The following CSNK2A2 variants were observed in gnomAD, a reference collection of about 807,000 sequenced individuals.
The protein encoded by CSNK2A2 is casein kinase 2 alpha 2.
CSNK2A2 carries 8 observed loss-of-function variants against 54.0 expected under a neutral mutation model. The observed-to-expected ratio is 0.15, with a 90% confidence interval of 0.09 to 0.27. The LOEUF is 0.27. Ranked by LOEUF, CSNK2A2 falls within the 10% of genes least tolerant of loss-of-function variation. The probability of loss-of-function intolerance (pLI) is 1.00; values close to 1 mark genes in which losing one functional copy is unlikely to be tolerated. For missense variants in CSNK2A2, 242 were observed against 439.4 expected, an observed-to-expected ratio of 0.55 and a Z score of 4.02; for synonymous variants, 141 against 153.9, an observed-to-expected ratio of 0.92 and a Z score of 0.62.
chr16:58,175,641 T>C (rs113261483), intron 4 of CSNK2A2, among the ~76,000 whole-genome samples: 38 of 152,228 alleles, frequency 2.5e-4, no homozygotes, highest in African/African-American at 8.7e-4. Context: ...TTTCACTGTC[T>C]ACCATTTTAT....
intron 3 of CSNK2A2, among the ~76,000 whole-genome samples, chr16:58,185,124 G>C (rs1962155921): frequency 6.6e-6 from 1 of 152,048 alleles, no homozygotes; most frequent in Admixed American, 6.6e-5. Flanking sequence ...TTTCAAAATT[G>C]GGAGAAAGTA....
At chr16:58,185,780 A>G (rs112055154) in intron 3 of CSNK2A2, among the ~76,000 whole-genome samples, 40 of 152,280 alleles carry the variant, frequency 2.6e-4, no homozygotes, top group African/African-American at 9.1e-4. Flanking sequence ...CTTCAACAAT[A>G]CTGTGTAATC....
intron 10 of CSNK2A2, among the ~76,000 whole-genome samples, chr16:58,164,394 G>A (rs1434503229): frequency 6.6e-6 from 1 of 152,108 alleles, no homozygotes. Context: ...AATGCTAAGA[G>A]GCATAGAAAC....
chr16:58,166,149 T>C (rs74571794), intron 9 of CSNK2A2, among the ~76,000 whole-genome samples: 4,741 of 152,310 alleles, frequency 0.031, 131 homozygotes, highest in Non-Finnish European at 0.055. Context: ...GAAAACTCAA[T>C]GTGCTTTAAA....
At position 58,176,633 on chromosome 16, in the gene CSNK2A2, A is replaced by C. The variant is rs535521233; in HGVS notation, c.370-2123T>G. ...CCCCCAGGAGTCCACAGCTCTGACA[A>C]AACAAGCCCGTGTTTGCTGCCTCCA... On this transcript the variant is annotated intron_variant, in intron 4 of 11. Coordinates refer to ENST00000262506, the MANE Select transcript of CSNK2A2 (RefSeq NM_001896.4). 1.1e-4 allele frequency among the ~76,000 whole-genome samples: 16 copies of C among 152,214 alleles called. No homozygotes were observed. In the South Asian group the frequency reaches 3.3e-3, roughly 32 times the overall value.
chr16:58,190,651 T>C (rs916621303), intron 2 of CSNK2A2, among the ~76,000 whole-genome samples: 1 of 152,180 alleles, frequency 6.6e-6, no homozygotes, highest in African/African-American at 2.4e-5. Context: ...TAAAAAAAAT[T>C]ATTTAAAAAG....
At chr16:58,189,496 G>A (rs1173277456) in intron 2 of CSNK2A2, among the ~76,000 whole-genome samples, 3 of 152,038 alleles carry the variant, frequency 2.0e-5, no homozygotes, top group African/African-American at 2.4e-5. Flanking sequence ...CCTTTATGAC[G>A]CTGCCCCATG....
chr16:58,164,297 T>C, intron 10 of CSNK2A2, 150 bp from the exon 11 acceptor site: 2 of 605,820 alleles, frequency 3.3e-6, no homozygotes, highest in Non-Finnish European at 2.9e-6. Flanking sequence ...ATCACGGAAT[T>C]CCAGCCATAT....
chr16:58,186,034 A>G (rs1182409608), intron 3 of CSNK2A2, among the ~76,000 whole-genome samples: 1 of 152,230 alleles, frequency 6.6e-6, no homozygotes, highest in Non-Finnish European at 1.5e-5. Flanking sequence ...TCATGGGAGG[A>G]TAACAGGGAA....
intron 11 of CSNK2A2, chr16:58,162,970 A>C (rs1469945644): frequency 6.6e-6 from 1 of 152,184 alleles, no homozygotes; most frequent in African/African-American, 2.4e-5. Context: ...CATCACATAA[A>C]TGTATCACAT....
chr16:58,174,418 G>GA, intron 5 of CSNK2A2, 33 bp downstream of exon 5: 1 of 1,504,216 alleles, frequency 6.6e-7, no homozygotes, highest in South Asian at 1.2e-5. Context: ...GAACAGGCCT[G>GA]AAAAAAATTA....
At chr16:58,181,379 AG>A (rs1962036986) in intron 4 of CSNK2A2, among the ~76,000 whole-genome samples, 1 of 152,216 alleles carries the variant, frequency 6.6e-6, no homozygotes, top group African/African-American at 2.4e-5. Context: ...GGGGAGACTT[AG>A]GTGAAGTCTG....
At chr16:58,180,274 T>G (rs932072206) in intron 4 of CSNK2A2, among the ~76,000 whole-genome samples, 1 of 151,060 alleles carries the variant, frequency 6.6e-6, no homozygotes, top group African/African-American at 2.4e-5. Context: ...TTTTAAAAGA[T>G]TAACGACAGA....
chr16:58,159,393 C>T (rs1008094458), intron 11 of CSNK2A2, among the ~76,000 whole-genome samples: 1 of 152,180 alleles, frequency 6.6e-6, no homozygotes, highest in Admixed American at 6.5e-5. Context: ...GAAGCAAGTA[C>T]ATAAAAACGG....
chr16:58,179,251 GC>G (rs1961961461), intron 4 of CSNK2A2, among the ~76,000 whole-genome samples: 1 of 152,168 alleles, frequency 6.6e-6, no homozygotes, highest in Non-Finnish European at 1.5e-5. Flanking sequence ...TGTAATCCCA[GC>G]ACTTTGGGAG....
At position 58,165,543 on chromosome 16, in the gene CSNK2A2, A is replaced by T; in HGVS notation, c.976+17T>A. 1.3e-6 allele frequency: 2 copies of T among 1,596,496 alleles called. No homozygotes were observed. Among genetic ancestry groups the T allele is most frequent in the Non-Finnish European group, 1.7e-6 (2 of 1,174,000 alleles). ...CTTGACTGAATTACTCCCTGAACAC[A>T]GTCCCTGGAGACTCACAGAAGTATG... is the stretch of plus-strand genomic sequence containing the variant. On this transcript the variant is annotated intron_variant, in intron 10 of 11. Transcript: ENST00000262506.
Position 58,197,565 on chromosome 16 carries a change from G to A in CSNK2A2, c.104+68C>T. ...GGGAGACACCACCGGGCCCGAGTGC[G>A]GTTCGCAGGGGGTGGCCGGGCGGGG... On this transcript the variant is annotated intron_variant, in intron 1 of 11. Coordinates refer to ENST00000262506, the MANE Select transcript of CSNK2A2 (RefSeq NM_001896.4). This position sits in a 1 kb window ranked among gnomAD's most constrained non-coding sequence, Gnocchi z 4.0. 8.9e-7 allele frequency: 1 copy of A among 1,123,224 alleles called. No homozygotes were observed. Among genetic ancestry groups the A allele is most frequent in the Non-Finnish European group, 1.3e-6 (1 of 799,678 alleles). 69.6% of individuals were successfully genotyped at this position (1,123,224 alleles called of 1,614,324 possible). A position where few individuals can be genotyped will look rare whatever the true frequency, so the allele number is the denominator to read the frequency against.
At position 58,197,436 on chromosome 16, in the gene CSNK2A2, G is replaced by A. The variant is rs1597130256; in HGVS notation, c.104+197C>T. Among the ~76,000 whole-genome samples, 1 of 152,328 alleles carries A rather than the reference G, an allele frequency of 6.6e-6. No homozygotes were observed. Among genetic ancestry groups the A allele is most frequent in the African/African-American group, 2.4e-5 (1 of 41,578 alleles). ...CTTGGGGGAAAGGGGTGCGCAAAGC[G>A]GGGAGAAAGGGACGAAACGGGGGTA... On this transcript the variant is annotated intron_variant, in intron 1 of 11. Transcript: ENST00000262506. This position sits in a 1 kb window ranked among gnomAD's most constrained non-coding sequence, Gnocchi z 4.0.
chr16:58,197,381 CCA>C lies in CSNK2A2; in HGVS notation c.104+250_104+251del, dbSNP rs1399422154. Among the ~76,000 whole-genome samples the C allele has an allele frequency of 5.3e-5, 8 of 152,224 alleles. No individual in the cohort carries two copies. Among genetic ancestry groups the C allele is most frequent in the African/African-American group, 1.9e-4 (8 of 41,460 alleles). On this transcript the variant is annotated intron_variant, in intron 1 of 11. Transcript: ENST00000262506. This position sits in a 1 kb window ranked among gnomAD's most constrained non-coding sequence, Gnocchi z 4.0. ...TCCACCCGGCGTCGATCCCTGGACC[CCA>C]CACTTCTCCCCGAGTAAAAAAGCAT...
Sources: allele counts gnomAD v4.1 joint callset (sites outside exome capture counted in the v4.1 genomes callset), GRCh38; gene constraint gnomAD v4.1.1; non-coding constraint Gnocchi (gnomAD v3.1); transcripts MANE v1.5; gene names NCBI Gene and HGNC (gene_info 2026-07-23, HGNC 2026-07-21).